PSEN1: variants seen among roughly 807,000 people sequenced by gnomAD.
PSEN1 encodes the protein presenilin-1.
Under a neutral mutation model 53.5 loss-of-function variants are expected in PSEN1, and 15 were observed. The ratio of observed to expected loss-of-function variants is 0.28; its 90% CI spans 0.19 to 0.43. The LOEUF (loss-of-function observed/expected upper bound fraction) is 0.43, where lower values mean the gene tolerates loss of function less well. Among genes scored for constraint, PSEN1 ranks in the 20% least tolerant of loss-of-function variants. PSEN1 has a pLI of 1.00. For missense variants in PSEN1, 387 were observed against 571.2 expected (o/e 0.68, Z 3.29); for synonymous variants, 208 against 209.8 (o/e 0.99, Z 0.08).
At chr14:73,168,261 A>C (rs1897778127) in intron 3 of PSEN1, 1 of 152,166 alleles carries the variant, frequency 6.6e-6, no homozygotes. Context: ...AGGATGAGGC[A>C]GGAGAATTGC....
At chr14:73,218,985 C>A in intron 11 of PSEN1, 149 bp from the exon 12 acceptor site, 1 of 841,658 alleles carries the variant, frequency 1.2e-6, no homozygotes, top group South Asian at 1.5e-5. Flanking sequence ...GCTCTTCTTC[C>A]AGATTGAATG....
chr14:73,179,887 G>A (rs1014831955), intron 5 of PSEN1, among the ~76,000 whole-genome samples: 57 of 152,312 alleles, frequency 3.7e-4, no homozygotes, highest in Non-Finnish European at 5.0e-4. Context: ...TGTATTCAGT[G>A]GGATAGAGAG....
intron 7 of PSEN1, among the ~76,000 whole-genome samples, chr14:73,193,979 A>G (rs1054686815): frequency 2.0e-5 from 3 of 152,150 alleles, no homozygotes; most frequent in Admixed American, 6.6e-5. Flanking sequence ...TAAAATCAAA[A>G]TTAGGTTACC....
intron 5 of PSEN1, among the ~76,000 whole-genome samples, chr14:73,182,581 C>T (rs1020644766): frequency 6.6e-6 from 1 of 152,076 alleles, no homozygotes; most frequent in Non-Finnish European, 1.5e-5. Flanking sequence ...TGGTGGCTCA[C>T]GCCTATAATC....
intron 1 of PSEN1, among the ~76,000 whole-genome samples, chr14:73,143,826 C>G (rs1195229970): frequency 6.6e-6 from 1 of 151,666 alleles, no homozygotes; most frequent in African/African-American, 2.4e-5. Context: ...CTGGGCGATA[C>G]AGCAAGACCC....
chr14:73,222,958 G>A lies in PSEN1; in HGVS notation c.*3669G>A, dbSNP rs748848893. The A allele has an allele frequency of 1.3e-5, 2 of 152,210 alleles. No homozygotes were observed. Among genetic ancestry groups the A allele is most frequent in the Non-Finnish European group, 2.9e-5 (2 of 68,046 alleles). The allele number at this position is 152,210 out of a possible 1,614,324, so 9.4% of individuals were successfully genotyped here. On this transcript the variant is annotated 3_prime_UTR_variant, in exon 12 of 12. Coordinates refer to ENST00000324501, the MANE Select transcript of PSEN1 (RefSeq NM_000021.4). ...ATTGGACATTTGGTTTTGCCCTTGG[G>A]CTGGAAACTATCATATAATCATAAG...
chr14:73,157,876 C>G (rs1897408149), intron 3 of PSEN1, among the ~76,000 whole-genome samples: 2 of 151,916 alleles, frequency 1.3e-5, no homozygotes, highest in Admixed American at 6.6e-5. Context: ...ATCTCAGCTC[C>G]TCAGGAGGCT....
intron 5 of PSEN1, among the ~76,000 whole-genome samples, chr14:73,180,677 G>A (rs988863188): frequency 6.6e-5 from 10 of 152,134 alleles, no homozygotes; most frequent in African/African-American, 2.4e-4. Flanking sequence ...GATAGTTTAG[G>A]GTTTAGAGAA....
At chr14:73,180,211 C>T (rs1898168753) in intron 5 of PSEN1, among the ~76,000 whole-genome samples, 1 of 152,150 alleles carries the variant, frequency 6.6e-6, no homozygotes, top group Non-Finnish European at 1.5e-5. Context: ...TCTCGAACTT[C>T]TGACCTCAGG....
intron 11 of PSEN1, 126 bp downstream of exon 11, chr14:73,217,370 T>G: frequency 9.1e-7 from 1 of 1,099,126 alleles, no homozygotes; most frequent in Non-Finnish European, 1.4e-6. Flanking sequence ...GAGGAGCTTT[T>G]TGATAATTGG....
chr14:73,217,373 A>T, intron 11 of PSEN1, 129 bp downstream of exon 11: 1 of 1,046,550 alleles, frequency 9.6e-7, no homozygotes, highest in Non-Finnish European at 1.5e-6. Context: ...GAGCTTTTTG[A>T]TAATTGGACC....
In PSEN1 at chr14:73,211,868, G is replaced by A. The variant is rs149299753; in HGVS notation, c.1055G>A (p.Arg352His). The stretch of plus-strand genomic sequence containing the variant: ...AGGGACAGTCATCTAGGGCCTCATC[G>A]CTCTACACCTGAGTCACGAGCTGCT... ...AQRDSHLGPH[R>H]STPESRAAVQ... Residue 352 changes from arginine (R) to histidine (H), a missense_variant, in exon 10 of 12, where the codon CGC (arginine) becomes CAC (histidine). This residue lies in a region of PSEN1 where 75 missense variants were observed against 63.7 expected (regional missense o/e 1.18). Coordinates refer to ENST00000324501, the MANE Select transcript of PSEN1 (RefSeq NM_000021.4). The A allele has an allele frequency of 3.7e-6, 6 of 1,613,826 alleles. No individual in the cohort carries two copies. Among genetic ancestry groups the A allele is most frequent in the Non-Finnish European group, 4.2e-6 (5 of 1,180,010 alleles).
In PSEN1 at chr14:73,184,381, G is replaced by A. The variant is rs1212904198; in HGVS notation, c.481-2472G>A. 2.5e-3 allele frequency among the ~76,000 whole-genome samples: 285 copies of A among 112,004 alleles called. 4 individuals are homozygous for A. Among genetic ancestry groups the A allele is most frequent in the African/African-American group, 8.7e-3 (246 of 28,436 alleles). 73.5% of individuals were successfully genotyped at this position (112,004 alleles called of 152,430 possible). On this transcript the variant is annotated intron_variant, in intron 5 of 11. Coordinates refer to ENST00000324501, the MANE Select transcript of PSEN1 (RefSeq NM_000021.4). ...CACCTCCCGGACGGGGCGGCTGGCC[G>A]GGCGGGGGGCTGACCCCCCCACCTC...
At chr14:73,193,413 C>T (rs1404778367) in intron 7 of PSEN1, among the ~76,000 whole-genome samples, 4 of 151,494 alleles carry the variant, frequency 2.6e-5, no homozygotes, top group East Asian at 2.0e-4. Context: ...GGTGTGGTGG[C>T]GTACCCTTGT....
At chr14:73,207,434 GA>G (rs977791569) in intron 9 of PSEN1, among the ~76,000 whole-genome samples, 1 of 152,144 alleles carries the variant, frequency 6.6e-6, no homozygotes, top group African/African-American at 2.4e-5. Flanking sequence ...TATTGGTGAG[GA>G]AAAAAAGGCC....
chr14:73,206,490 G>A lies in PSEN1; in HGVS notation c.955+18G>A. 6.5e-7 allele frequency: 1 copy of A among 1,545,880 alleles called. No homozygotes were observed. The highest frequency in any genetic ancestry group is 1.1e-5 in the South Asian group (1 of 89,526). ...TGCAGAAAGTAGGTAACTTTTATTA[G>A]ATAATATCTTGATTTTTCAGGGTCA... On this transcript the variant is annotated intron_variant, in intron 9 of 11. Coordinates refer to ENST00000324501, the MANE Select transcript of PSEN1 (RefSeq NM_000021.4).
At chr14:73,204,085 G>A (rs977939325) in intron 8 of PSEN1, among the ~76,000 whole-genome samples, 1 of 152,004 alleles carries the variant, frequency 6.6e-6, no homozygotes, top group Admixed American at 6.6e-5. Flanking sequence ...CACAGCCTCC[G>A]CCTCCTGGAT....
At position 73,219,313 on chromosome 14, in the gene PSEN1, G is replaced by A. The variant is rs1355200527; in HGVS notation, c.*24G>A. ...AGCATATTTGCGGTTAGAATCCCAT[G>A]GATGTTTCTTCTTTGACTATAACAA... is the stretch of plus-strand genomic sequence containing the variant. On this transcript the variant is annotated 3_prime_UTR_variant, in exon 12 of 12. Transcript: ENST00000324501. The A allele has an allele frequency of 6.2e-7, 1 of 1,603,338 alleles. No individual in the cohort carries two copies. Among genetic ancestry groups the A allele is most frequent in the South Asian group, 1.1e-5 (1 of 90,874 alleles).
chr14:73,163,583 A>G (rs1347215917), intron 3 of PSEN1, among the ~76,000 whole-genome samples: 1 of 152,254 alleles, frequency 6.6e-6, no homozygotes, highest in African/African-American at 2.4e-5. Flanking sequence ...AACAGGAGCT[A>G]CATCAAATAA....
Sources: allele counts gnomAD v4.1 joint callset (sites outside exome capture counted in the v4.1 genomes callset), GRCh38; gene constraint gnomAD v4.1.1; regional missense constraint gnomAD v4.1.1; transcripts MANE v1.5; gene names NCBI Gene and HGNC (gene_info 2026-07-23, HGNC 2026-07-21).